The following MCRS1 variants were observed in gnomAD, a reference collection of about 807,000 sequenced individuals.
MCRS1 encodes the protein 58 kDa microspherule protein.
A neutral mutation model predicts 62.9 loss-of-function variants in MCRS1; 22 were observed. The observed-to-expected ratio is 0.35, with a 90% CI of 0.25 to 0.50. MCRS1 has a LOEUF of 0.50. Among genes scored for constraint, MCRS1 ranks in the 20% least tolerant of loss-of-function variants. The probability of loss-of-function intolerance (pLI) is 0.98; values close to 1 mark genes in which losing one functional copy is unlikely to be tolerated. For synonymous variants in MCRS1, 244 were observed against 233.5 expected, an observed-to-expected ratio of 1.04 and a Z score of -0.41; for missense variants, 456 against 601.1, an observed-to-expected ratio of 0.76 and a Z score of 2.52.
chr12:49,559,995 T>TAG lies in MCRS1; in HGVS notation c.882-30_882-29dup, dbSNP rs745848357. 6.2e-7 allele frequency: 1 copy of TAG among 1,614,098 alleles called. No homozygotes were observed. Among genetic ancestry groups the TAG allele is most frequent in the Non-Finnish European group, 8.5e-7 (1 of 1,179,988 alleles). On this transcript the variant is annotated intron_variant, in intron 9 of 14. Transcript: ENST00000343810. This position sits in a 1 kb window ranked among gnomAD's most constrained non-coding sequence, Gnocchi z 5.2. Reference sequence around the variant, plus strand: ...GAGGGGCAAGAAGAGAAGGAAGATTTAGGTCCACCTTCAGCTTGCCTGTTA... The same window carrying TAG: ...GAGGGGCAAGAAGAGAAGGAAGATTTAGAGGTCCACCTTCAGCTTGCCTGTTA...
At chr12:49,561,385 G>A (rs1188605896) in intron 8 of MCRS1, among the ~76,000 whole-genome samples, 3 of 152,112 alleles carry the variant, frequency 2.0e-5, no homozygotes, top group East Asian at 1.9e-4. Context: ...CATATGGGGG[G>A]AAGCAGGGCA....
chr12:49,567,059 A>C (rs1180937812), intron 1 of MCRS1, among the ~76,000 whole-genome samples: 2 of 152,220 alleles, frequency 1.3e-5, no homozygotes, highest in African/African-American at 4.8e-5. Context: ...TGGACTGCAG[A>C]AAAGGGTGCA....
chr12:49,566,756 G>A lies in MCRS1; in HGVS notation c.-25C>T. 1 of 1,613,396 alleles carries A rather than the reference G, an allele frequency of 6.2e-7. No individual in the cohort carries two copies. Among genetic ancestry groups the A allele is most frequent in the South Asian group, 1.1e-5 (1 of 90,834 alleles). The stretch of plus-strand genomic sequence containing the variant: ...TCCTCTTACAGTCCCAAAGCCACTG[G>A]TTCCAAACCACCGGGCTAGGAGGAA... On this transcript the variant is annotated 5_prime_UTR_variant, in exon 2 of 15. Transcript: ENST00000343810.
At chr12:49,560,455 T>A in intron 8 of MCRS1, 85 bp from the exon 9 acceptor site, 1 of 1,245,826 alleles carries the variant, frequency 8.0e-7, no homozygotes, top group Non-Finnish European at 1.2e-6. Flanking sequence ...GTGGACCAGC[T>A]GCAGACTGCG....
rs1207595400 is a variant in MCRS1, at chr12:49,559,453, C to T, written c.1086G>A (p.Glu362=). The T allele has an allele frequency of 1.2e-6, 2 of 1,613,804 alleles. No homozygotes were observed. The highest frequency in any genetic ancestry group is 1.7e-6 in the Non-Finnish European group (2 of 1,180,050). Residue 362 remains glutamate, a splice_region_variant and synonymous_variant, in exon 12 of 15, where the codon GAG becomes GAA. Transcript: ENST00000343810. This position sits in a 1 kb window ranked among gnomAD's most constrained non-coding sequence, Gnocchi z 5.2. ...AAGGGCGGGGATGGGCCTGCCTCACCTCACGCGAGCGCATCAGGTACCGCA... is the reference window on the plus strand; with the variant it reads ...AAGGGCGGGGATGGGCCTGCCTCACTTCACGCGAGCGCATCAGGTACCGCA... ...RMVRYLMRSR[E]ITLGRATKDN...
intron 1 of MCRS1, among the ~76,000 whole-genome samples, chr12:49,567,292 TTTTG>T (rs944471628): frequency 6.6e-6 from 1 of 152,086 alleles, no homozygotes; most frequent in African/African-American, 2.4e-5. Context: ...CTCGTTTTTT[TTTTG>T]TTTTTCTTTT....
At position 49,559,333 on chromosome 12, in the gene MCRS1, C is replaced by T. The variant is rs748337895; in HGVS notation, c.1087-32G>A. The T allele has an allele frequency of 6.2e-7, 1 of 1,610,770 alleles. No homozygotes were observed. Among genetic ancestry groups the T allele is most frequent in the South Asian group, 1.1e-5 (1 of 90,996 alleles). Reference sequence around the variant, plus strand: ...AAATGGGGCAGGTGAGGGCTGGGACCTGAAGAATTGGGGGAGTAGGTCTAT... The same window carrying T: ...AAATGGGGCAGGTGAGGGCTGGGACTTGAAGAATTGGGGGAGTAGGTCTAT... On this transcript the variant is annotated intron_variant, in intron 12 of 14. Coordinates refer to ENST00000343810, the MANE Select transcript of MCRS1 (RefSeq NM_006337.5). The surrounding 1 kb of genome is among the most constrained non-coding windows in gnomAD (Gnocchi z 5.2).
At chr12:49,561,556 C>T (rs74089565) in intron 8 of MCRS1, among the ~76,000 whole-genome samples, 4,314 of 152,306 alleles carry the variant, frequency 0.028, 231 homozygotes, top group African/African-American at 0.099. Flanking sequence ...AATACAAAAA[C>T]TCTTGAAGGA....
rs773354067 is a variant in MCRS1 at position 49,558,732 on chromosome 12, G to A, written c.1303-3C>T. 3.1e-6 allele frequency: 5 copies of A among 1,613,888 alleles called. No individual in the cohort carries two copies. The highest frequency in any genetic ancestry group is 4.5e-5 in the East Asian group (2 of 44,872). On this transcript the variant is annotated splice_region_variant and splice_polypyrimidine_tract_variant and intron_variant, in intron 14 of 14. Coordinates refer to ENST00000343810, the MANE Select transcript of MCRS1 (RefSeq NM_006337.5). ...AAGACGAATCGCAGGCTGGCGATCT[G>A]GGTGGGAGACAAAGGTGGCTTAAGA...
rs13066 is a variant in MCRS1 at position 49,566,768 on chromosome 12, C to G, written c.-37G>C. 2.5e-6 allele frequency: 4 copies of G among 1,611,790 alleles called. No homozygotes were observed. Among genetic ancestry groups the G allele is most frequent in the Non-Finnish European group, 3.4e-6 (4 of 1,178,996 alleles). On this transcript the variant is annotated 5_prime_UTR_variant, in exon 2 of 15. Coordinates refer to ENST00000343810, the MANE Select transcript of MCRS1 (RefSeq NM_006337.5). The stretch of plus-strand genomic sequence containing the variant: ...CCCAAAGCCACTGGTTCCAAACCAC[C>G]GGGCTAGGAGGAACGGTCCCACAGG...
At chr12:49,562,533 AGAAG>A (rs1201161560) in intron 8 of MCRS1, among the ~76,000 whole-genome samples, 1 of 152,244 alleles carries the variant, frequency 6.6e-6, no homozygotes, top group Non-Finnish European at 1.5e-5. Flanking sequence ...AAGAAGAGGA[AGAAG>A]GAAGACAGAA....
At chr12:49,563,578 G>C in intron 6 of MCRS1, 32 bp from the exon 7 acceptor site, 1 of 1,538,766 alleles carries the variant, frequency 6.5e-7, no homozygotes, top group Admixed American at 1.7e-5. Context: ...GGGGAGGGGT[G>C]AAGGAAAGGT....
In MCRS1 at chr12:49,559,988, G is replaced by A. The variant is rs1422699971; in HGVS notation, c.882-21C>T. 1 of 1,614,156 alleles carries A rather than the reference G, an allele frequency of 6.2e-7. No homozygotes were observed. The highest frequency in any genetic ancestry group is 8.5e-7 in the Non-Finnish European group (1 of 1,180,014). ...TGTCCCTGAGGGGCAAGAAGAGAAG[G>A]AAGATTTAGGTCCACCTTCAGCTTG... On this transcript the variant is annotated intron_variant, in intron 9 of 14. Coordinates refer to ENST00000343810, the MANE Select transcript of MCRS1 (RefSeq NM_006337.5). This position sits in a 1 kb window ranked among gnomAD's most constrained non-coding sequence, Gnocchi z 5.2.
chr12:49,564,990 G>T, intron 4 of MCRS1, 95 bp from the exon 5 acceptor site: 1 of 1,446,562 alleles, frequency 6.9e-7, no homozygotes, highest in Non-Finnish European at 9.1e-7. Flanking sequence ...GGCAGCGGCA[G>T]CCCCAGCCCC....
intron 9 of MCRS1, 64 bp from the exon 10 acceptor site, chr12:49,560,031 T>C (rs1052485180): frequency 6.2e-7 from 1 of 1,601,104 alleles, no homozygotes; most frequent in Non-Finnish European, 8.6e-7. Flanking sequence ...CTTGGCTCAT[T>C]AGGGCATCCC....
intron 2 of MCRS1, 188 bp downstream of exon 2, chr12:49,566,534 C>CCA: frequency 6.7e-7 from 1 of 1,501,232 alleles, no homozygotes. Flanking sequence ...TGCAGCCGTG[C>CCA]TAAAGAGCAG....
intron 6 of MCRS1, among the ~76,000 whole-genome samples, chr12:49,564,148 G>A (rs1327416545): frequency 6.6e-6 from 1 of 152,148 alleles, no homozygotes; most frequent in African/African-American, 2.4e-5. Context: ...TGGAAAGGCT[G>A]GAGGTGACCC....
chr12:49,565,731 A>C, intron 3 of MCRS1, 64 bp from the exon 4 acceptor site: 1 of 1,610,008 alleles, frequency 6.2e-7, no homozygotes, highest in Non-Finnish European at 8.5e-7. Context: ...ACACACCCCC[A>C]GCCCCCAAAA....
At chr12:49,566,238 T>C (rs765225066) in intron 2 of MCRS1, 23 bp from the exon 3 acceptor site, 5 of 1,606,196 alleles carry the variant, frequency 3.1e-6, no homozygotes, top group Non-Finnish European at 4.3e-6. Context: ...AAATGGTGGA[T>C]TCGGGCCTCC....
Sources: allele counts gnomAD v4.1 joint callset (sites outside exome capture counted in the v4.1 genomes callset), GRCh38; gene constraint gnomAD v4.1.1; non-coding constraint Gnocchi (gnomAD v3.1); transcripts MANE v1.5; gene names NCBI Gene and HGNC (gene_info 2026-07-23, HGNC 2026-07-21).